STXBP4: variants seen among roughly 807,000 people sequenced by gnomAD.
The protein encoded by STXBP4 is syntaxin binding protein 4.
A neutral mutation model predicts 76.1 loss-of-function variants in STXBP4; 55 were observed. The ratio of observed to expected loss-of-function variants is 0.72; its 90% CI spans 0.58 to 0.91. The LOEUF (loss-of-function observed/expected upper bound fraction) is 0.91, where lower values mean the gene tolerates loss of function less well. STXBP4 is among the 40% of genes least tolerant of loss of function. The pLI, the probability that STXBP4 is intolerant of heterozygous loss-of-function variation, is 0.00. For synonymous variants in STXBP4, 201 were observed against 220.2 expected (o/e 0.91, Z 0.77); for missense variants, 618 against 636.9 (o/e 0.97, Z 0.32).
chr17:55,066,285 G>A (rs2079050295), intron 12 of STXBP4, among the ~76,000 whole-genome samples: 1 of 152,030 alleles, frequency 6.6e-6, no homozygotes, highest in Non-Finnish European at 1.5e-5. Context: ...GTGCAGTGGT[G>A]TGATCTCAAC....
chr17:55,143,875 AGTAGATC>A (rs2080120861), intron 17 of STXBP4, among the ~76,000 whole-genome samples: 1 of 152,180 alleles, frequency 6.6e-6, no homozygotes, highest in African/African-American at 2.4e-5. Flanking sequence ...AAAGGGCCAT[AGTAGATC>A]TTATTGTCTT....
intron 17 of STXBP4, among the ~76,000 whole-genome samples, chr17:55,148,728 G>A (rs866773388): frequency 1.5e-4 from 23 of 151,906 alleles, no homozygotes; most frequent in African/African-American, 4.3e-4. Context: ...TAGTAGAGGC[G>A]GGGCCATGTT....
In STXBP4 at chr17:55,167,170, A is replaced by C. The variant is rs143098837; in HGVS notation, c.*7259A>C. The C allele has an allele frequency of 2.6e-5, 4 of 152,160 alleles. No homozygotes were observed. Among genetic ancestry groups the C allele is most frequent in the African/African-American group, 9.7e-5 (4 of 41,440 alleles). The allele number at this position is 152,160 out of a possible 1,614,324, so 9.4% of individuals were successfully genotyped here. ...TAATAAAGTATCAATCACACTATAT[A>C]TGTAATTAATTTGGATAGGAAAGTA... On this transcript the variant is annotated 3_prime_UTR_variant, in exon 18 of 18. Transcript: ENST00000376352.
chr17:55,084,769 T>C lies in STXBP4; in HGVS notation c.1489+3586T>C, dbSNP rs1157333647. Among the ~76,000 whole-genome samples, 3 of 152,170 alleles carry C rather than the reference T, an allele frequency of 2.0e-5. No homozygotes were observed. In the East Asian group the frequency reaches 5.8e-4, roughly 29 times the overall value. On this transcript the variant is annotated intron_variant, in intron 16 of 17. Coordinates refer to ENST00000376352, the MANE Select transcript of STXBP4 (RefSeq NM_178509.6). ...TTCCCCATTTCTTGTTTTTGTCAGG[T>C]TTGTCAAAGATCAGATAGTTGTAGA... is the stretch of plus-strand genomic sequence containing the variant.
Position 55,050,936 on chromosome 17 carries a change from G to A in STXBP4, c.1011+3782G>A, listed in dbSNP as rs190186280. ...GCCTGCCTCAGCCTCCCAAAGTGCT[G>A]GATTACAGGTGTGAGCCACTGCACC... On this transcript the variant is annotated intron_variant, in intron 12 of 17. Transcript: ENST00000376352. Among the ~76,000 whole-genome samples the A allele has an allele frequency of 1.2e-3, 187 of 152,176 alleles. 1 individual carries two copies. Among genetic ancestry groups the A allele is most frequent in the African/African-American group, 4.4e-3 (181 of 41,526 alleles).
intron 17 of STXBP4, among the ~76,000 whole-genome samples, chr17:55,150,116 G>T (rs886144368): frequency 3.9e-5 from 6 of 152,096 alleles, no homozygotes; most frequent in African/African-American, 1.4e-4. Context: ...CCTTTATTTA[G>T]ATTTACTAAC....
chr17:55,208,979 G>A, the STXBP4 span, among the ~76,000 whole-genome samples: 65 of 152,114 alleles, frequency 4.3e-4, no homozygotes, highest in Non-Finnish European at 7.8e-4. Context: ...TTACTCAGGA[G>A]GCTGAGGCAG....
At chr17:55,072,748 A>T in intron 12 of STXBP4, 152 bp from the exon 13 acceptor site, 1 of 546,190 alleles carries the variant, frequency 1.8e-6, no homozygotes, top group Non-Finnish European at 2.9e-6. Flanking sequence ...TAATAAAATA[A>T]CATAACTATT....
intron 13 of STXBP4, 67 bp downstream of exon 13, chr17:55,073,143 A>C (rs1224522450): frequency 4.0e-6 from 6 of 1,485,188 alleles, no homozygotes; most frequent in Non-Finnish European, 5.6e-6. Context: ...TCCTGTTTTC[A>C]TTTTCTTTTC....
intron 12 of STXBP4, among the ~76,000 whole-genome samples, chr17:55,049,137 A>C (rs1191129887): frequency 6.6e-6 from 1 of 151,994 alleles, no homozygotes; most frequent in Non-Finnish European, 1.5e-5. Context: ...AAGTATACAA[A>C]AATGTTTTAT....
intron 12 of STXBP4, among the ~76,000 whole-genome samples, chr17:55,058,397 G>T (rs1014296135): frequency 6.6e-6 from 1 of 152,104 alleles, no homozygotes; most frequent in African/African-American, 2.4e-5. Flanking sequence ...TTTTGATGGG[G>T]TTAATACATT....
chr17:55,186,329 G>T, the STXBP4 span, among the ~76,000 whole-genome samples: 8 of 152,180 alleles, frequency 5.3e-5, no homozygotes, highest in East Asian at 1.4e-3. Context: ...GGAAAGAAAA[G>T]CTCTAGCTAT....
chr17:54,992,685 A>G (rs1159716215), intron 4 of STXBP4, among the ~76,000 whole-genome samples: 2 of 150,282 alleles, frequency 1.3e-5, no homozygotes, highest in African/African-American at 2.4e-5. Flanking sequence ...GGTACCCAAC[A>G]AGTGATAAGA....
At chr17:55,074,851 T>TC (rs965857706) in intron 13 of STXBP4, among the ~76,000 whole-genome samples, 26 of 152,102 alleles carry the variant, frequency 1.7e-4, no homozygotes, top group Middle Eastern at 3.4e-3. Context: ...ATCTCAACAT[T>TC]CAACATTTTC....
chr17:55,196,665 A>G, the STXBP4 span, among the ~76,000 whole-genome samples: 3 of 152,206 alleles, frequency 2.0e-5, no homozygotes, highest in Non-Finnish European at 2.9e-5. Flanking sequence ...CTCCTTTAAG[A>G]TATACATCTC....
intron 16 of STXBP4, among the ~76,000 whole-genome samples, chr17:55,116,547 G>A (rs2079782442): frequency 6.6e-6 from 1 of 151,776 alleles, no homozygotes; most frequent in South Asian, 2.1e-4. Context: ...ACAAATTTTA[G>A]TATCTGGCTT....
chr17:55,034,022 A>C (rs1484776), intron 9 of STXBP4, 146 bp from the exon 10 acceptor site: 383,358 of 519,056 alleles, frequency 0.74, 142,881 homozygotes, highest in East Asian at 0.93. Flanking sequence ...CTTATTTGAA[A>C]TTACATTTAC....
At chr17:55,034,375 A>T (rs905205603) in intron 10 of STXBP4, 116 bp downstream of exon 10, 2 of 568,710 alleles carry the variant, frequency 3.5e-6, no homozygotes, top group East Asian at 6.1e-5. Context: ...TGTTTCTTGG[A>T]TAAATATATA....
rs2078504118 is a variant in STXBP4, at chr17:55,031,205, A to G, written c.704A>G (p.Gln235Arg). 1 of 1,613,386 alleles carries G rather than the reference A, an allele frequency of 6.2e-7. No individual in the cohort carries two copies. Among genetic ancestry groups the G allele is most frequent in the Admixed American group, 1.7e-5 (1 of 59,984 alleles). ...CTTGGTATTCAGCCCACAAAGGAAC[A>G]ACACCAAGCCCTGAGACAGCAAGTA... ...NYLGIQPTKEQHQALRQQVQA... is the reference protein window; with the variant it reads ...NYLGIQPTKERHQALRQQVQA... Residue 235 changes from glutamine to arginine, a missense_variant, in exon 9 of 18, where the codon CAA becomes CGA. Transcript: ENST00000376352.
Sources: allele counts gnomAD v4.1 joint callset (sites outside exome capture counted in the v4.1 genomes callset), GRCh38; gene constraint gnomAD v4.1.1; transcripts MANE v1.5; gene names NCBI Gene and HGNC (gene_info 2026-07-23, HGNC 2026-07-21).